Variants in AKAP13 observed in about 807,000 individuals in gnomAD.
The protein encoded by AKAP13 is A-kinase anchor protein 13.
Under a neutral mutation model 264.5 loss-of-function variants are expected in AKAP13, and 80 were observed. The ratio of observed to expected loss-of-function variants is 0.30; its 90% confidence interval spans 0.25 to 0.36. The LOEUF (loss-of-function observed/expected upper bound fraction) is 0.36, where lower values mean the gene tolerates loss of function less well. Ranked by LOEUF, AKAP13 falls within the 10% of genes least tolerant of loss-of-function variation. The pLI is 1.00. For synonymous variants in AKAP13, 1,380 were observed against 1,250.2 expected, an observed-to-expected ratio of 1.10 and a Z score of -2.19; for missense variants, 3,712 against 3,435.2, an observed-to-expected ratio of 1.08 and a Z score of -2.01.
chr15:85,535,669 T>C (rs1453171848), intron 4 of AKAP13: 1 of 152,232 alleles, frequency 6.6e-6, no homozygotes, highest in Non-Finnish European at 1.5e-5. Flanking sequence ...TATGGTGTTT[T>C]ATGGTTTTGT....
intron 1 of AKAP13, among the ~76,000 whole-genome samples, chr15:85,404,300 TG>T (rs1160812475): frequency 1.3e-5 from 2 of 152,234 alleles, no homozygotes; most frequent in African/African-American, 2.4e-5. Flanking sequence ...GTCGTATCAC[TG>T]CCCCATTTAA....
chr15:85,614,208 G>T (rs932700366), intron 8 of AKAP13, among the ~76,000 whole-genome samples: 2 of 152,190 alleles, frequency 1.3e-5, no homozygotes, highest in Non-Finnish European at 2.9e-5. Context: ...CTGAGGAGCC[G>T]TTGTGGGAAT....
intron 8 of AKAP13, among the ~76,000 whole-genome samples, chr15:85,607,705 A>G (rs1192619771): frequency 6.6e-6 from 1 of 150,646 alleles, no homozygotes; most frequent in Non-Finnish European, 1.5e-5. Flanking sequence ...CTCTTTAAAC[A>G]TATTTTTGTG....
chr15:85,470,542 G>A (rs2074923490), intron 1 of AKAP13, among the ~76,000 whole-genome samples: 1 of 152,184 alleles, frequency 6.6e-6, no homozygotes, highest in African/African-American at 2.4e-5. Flanking sequence ...CACCTAGAGA[G>A]ATTACGTGGT....
intron 4 of AKAP13, among the ~76,000 whole-genome samples, chr15:85,539,771 G>A (rs1192402174): frequency 1.3e-5 from 2 of 152,184 alleles, no homozygotes; most frequent in Non-Finnish European, 2.9e-5. Flanking sequence ...TAAGCCTACA[G>A]AGATCTTTCC....
chr15:85,390,216 T>C (rs374948265), intron 1 of AKAP13, among the ~76,000 whole-genome samples: 1 of 152,132 alleles, frequency 6.6e-6, no homozygotes, highest in African/African-American at 2.4e-5. Flanking sequence ...TTGAGGGAAG[T>C]AGAAAATAAA....
intron 8 of AKAP13, among the ~76,000 whole-genome samples, chr15:85,589,830 G>A (rs1167126425): frequency 6.6e-6 from 1 of 151,676 alleles, no homozygotes; most frequent in Non-Finnish European, 1.5e-5. Flanking sequence ...ACCAGTGGAA[G>A]AAAAGAAAAA....
chr15:85,667,422 A>G (rs2083665235), intron 13 of AKAP13, among the ~76,000 whole-genome samples: 1 of 152,224 alleles, frequency 6.6e-6, no homozygotes, highest in Non-Finnish European at 1.5e-5. Flanking sequence ...AGTGATTTAG[A>G]TTTACTCAGC....
intron 8 of AKAP13, 71 bp downstream of exon 8, chr15:85,585,894 C>G (rs1443313039): frequency 1.3e-6 from 2 of 1,571,562 alleles, no homozygotes; most frequent in Non-Finnish European, 1.7e-6. Flanking sequence ...TTATTTATGG[C>G]TTTGTCTTTT....
chr15:85,575,139 C>T lies in AKAP13; in HGVS notation c.671C>T (p.Ala224Val). Residue 224 changes from alanine (A) to valine (V), a missense_variant, in exon 6 of 37, where the codon GCT (alanine) becomes GTT (valine). By Grantham distance (64) the Ala-to-Val change is moderately conservative. Around this residue, in one of 3 missense-constraint regions of AKAP13, gnomAD observed 2,759 missense variants for 2,411.7 expected, o/e 1.14. Coordinates refer to ENST00000394518, the MANE Select transcript of AKAP13 (RefSeq NM_007200.5). ...GAGATGCTTGCATGTAGGGAGAATG[C>T]TGGAGAACCAGACTCCTGGAGCAGT... is the stretch of plus-strand genomic sequence containing the variant. ...KLHQLLTEEN[A>V]GEPDSWSSLS... 1 of 1,614,046 alleles carries T rather than the reference C, an allele frequency of 6.2e-7. No individual in the cohort carries two copies. Among genetic ancestry groups the T allele is most frequent in the Admixed American group, 1.7e-5 (1 of 60,010 alleles).
At chr15:85,628,565 T>A (rs991562718) in intron 8 of AKAP13, among the ~76,000 whole-genome samples, 3 of 152,194 alleles carry the variant, frequency 2.0e-5, no homozygotes, top group Non-Finnish European at 4.4e-5. Context: ...GCTTCTTGTG[T>A]TCTTAGAGAC....
intron 36 of AKAP13, 136 bp from the exon 37 acceptor site, chr15:85,744,492 C>T (rs1478896595): frequency 3.5e-5 from 31 of 892,706 alleles, no homozygotes; most frequent in South Asian, 2.2e-4. Context: ...TCAGAAACCC[C>T]GGTGCGCAGA....
chr15:85,540,012 G>A, intron 4 of AKAP13, among the ~76,000 whole-genome samples: 1 of 152,176 alleles, frequency 6.6e-6, no homozygotes, highest in African/African-American at 2.4e-5. Flanking sequence ...AGAAAAGTAG[G>A]TTTTATGAGT....
intron 10 of AKAP13, among the ~76,000 whole-genome samples, chr15:85,648,029 T>A (rs200919945): frequency 4.2e-5 from 5 of 119,690 alleles, no homozygotes; most frequent in South Asian, 2.3e-4. Flanking sequence ...TATTTTATTT[T>A]TTTTTTAATA....
At position 85,581,508 on chromosome 15, in the gene AKAP13, T is replaced by G. The variant is rs766870256; in HGVS notation, c.3440T>G (p.Val1147Gly). Reference protein sequence around the residue: ...QDKAVTDPQGVGTPEMIPLDW... With the variant: ...QDKAVTDPQGGGTPEMIPLDW... ...AAAGCTGTGACTGACCCACAGGGAGTTGGAACCCCAGAGATGATACCTCTT... is the reference window on the plus strand; with the variant it reads ...AAAGCTGTGACTGACCCACAGGGAGGTGGAACCCCAGAGATGATACCTCTT... The change falls in exon 7 of 37, where the codon GTT (valine) becomes GGT (glycine). Residue 1147 changes from valine to glycine, a missense_variant. Coordinates refer to ENST00000394518, the MANE Select transcript of AKAP13 (RefSeq NM_007200.5). 1 of 1,613,700 alleles carries G rather than the reference T, an allele frequency of 6.2e-7. No homozygotes were observed. Among genetic ancestry groups the G allele is most frequent in the Middle Eastern group, 1.6e-4 (1 of 6,062 alleles).
intron 7 of AKAP13, chr15:85,582,915 C>T: frequency 1.0e-6 from 1 of 985,484 alleles, no homozygotes. Context: ...ATTGCTCACA[C>T]AGCAGCCTGT....
intron 2 of AKAP13, among the ~76,000 whole-genome samples, chr15:85,507,955 G>A (rs189183793): frequency 6.6e-6 from 1 of 152,308 alleles, no homozygotes; most frequent in East Asian, 1.9e-4. Flanking sequence ...TCCTGGCAAG[G>A]ATATATTCCT....
intron 5 of AKAP13, among the ~76,000 whole-genome samples, chr15:85,572,544 G>A (rs2078853028): frequency 6.6e-6 from 1 of 151,972 alleles, no homozygotes; most frequent in African/African-American, 2.4e-5. Context: ...CTGCTTTTGG[G>A]GAGCCACTCT....
chr15:85,577,949 T>C (rs748985163), intron 6 of AKAP13: 1 of 438,654 alleles, frequency 2.3e-6, no homozygotes, highest in Non-Finnish European at 3.0e-6. Flanking sequence ...CTTGTATATA[T>C]GAGGCAGGGT....
Sources: allele counts gnomAD v4.1 joint callset (sites outside exome capture counted in the v4.1 genomes callset), GRCh38; gene constraint gnomAD v4.1.1; regional missense constraint gnomAD v4.1.1; transcripts MANE v1.5; gene names NCBI Gene and HGNC (gene_info 2026-07-23, HGNC 2026-07-21).